NCKAP5: variants seen among roughly 807,000 people sequenced by gnomAD.
NCKAP5 encodes the protein nck-associated protein 5.
NCKAP5 carries 92 observed loss-of-function variants against 167.0 expected under a neutral mutation model. The observed-to-expected ratio is 0.55, with a 90% CI of 0.47 to 0.66. The LOEUF (loss-of-function observed/expected upper bound fraction) is 0.66, where lower values mean the gene tolerates loss of function less well. NCKAP5 is among the 30% of genes least tolerant of loss of function. The probability of loss-of-function intolerance (pLI) is 0.00; values close to 1 mark genes in which losing one functional copy is unlikely to be tolerated. For synonymous variants in NCKAP5, 891 were observed against 877.4 expected, an observed-to-expected ratio of 1.02 and a Z score of -0.27; for missense variants, 2,378 against 2,315.0, an observed-to-expected ratio of 1.03 and a Z score of -0.56.
chr2:133,560,538 C>A (rs561831253), intron 1 of NCKAP5, among the ~76,000 whole-genome samples: 6 of 152,214 alleles, frequency 3.9e-5, no homozygotes, highest in African/African-American at 1.4e-4. Flanking sequence ...AAGTTGTACC[C>A]AGGAGGATAG....
intron 9 of NCKAP5, among the ~76,000 whole-genome samples, chr2:132,875,547 G>A (rs575351615): frequency 3.3e-5 from 5 of 152,326 alleles, no homozygotes; most frequent in African/African-American, 1.2e-4. Flanking sequence ...ATCCAGTAAA[G>A]GTTTGCAGGA....
At chr2:133,607,021 G>A in the NCKAP5 span, among the ~76,000 whole-genome samples, 11 of 152,150 alleles carry the variant, frequency 7.2e-5, no homozygotes, top group African/African-American at 2.7e-4. Flanking sequence ...TGAGAATGAA[G>A]GACCTGAGAC....
intron 3 of NCKAP5, among the ~76,000 whole-genome samples, chr2:133,414,016 T>C (rs1688946530): frequency 1.3e-5 from 2 of 152,174 alleles, no homozygotes; most frequent in Non-Finnish European, 2.9e-5. Flanking sequence ...CTGGTGCCCT[T>C]GGGGCCTTGC....
At chr2:133,360,018 A>G (rs1684992525) in intron 3 of NCKAP5, among the ~76,000 whole-genome samples, 1 of 152,186 alleles carries the variant, frequency 6.6e-6, no homozygotes, top group Admixed American at 6.5e-5. Context: ...ATCACACCAT[A>G]TAACAAAGTC....
chr2:133,343,306 TA>T (rs545833820), intron 3 of NCKAP5, among the ~76,000 whole-genome samples: 85 of 151,468 alleles, frequency 5.6e-4, no homozygotes, highest in Non-Finnish European at 1.1e-3. Flanking sequence ...TTGAAGAATA[TA>T]AAAAAAATTC....
chr2:133,645,788 C>T, the NCKAP5 span, among the ~76,000 whole-genome samples: 9 of 151,906 alleles, frequency 5.9e-5, no homozygotes, highest in East Asian at 1.2e-3. Flanking sequence ...ATAATAATCA[C>T]GGATATTATG....
In NCKAP5 at chr2:132,672,483, T is replaced by C. The variant is rs190790943; in HGVS notation, c.*806A>G. 1 of 152,218 alleles carries C rather than the reference T, an allele frequency of 6.6e-6. No individual in the cohort carries two copies. Among genetic ancestry groups the C allele is most frequent in the Non-Finnish European group, 1.5e-5 (1 of 68,046 alleles). 9.4% of individuals were successfully genotyped at this position (152,218 alleles called of 1,614,324 possible). A position where few individuals can be genotyped will look rare whatever the true frequency, so the allele number is the denominator to read the frequency against. On this transcript the variant is annotated 3_prime_UTR_variant, in exon 20 of 20. Coordinates refer to ENST00000409261, the MANE Select transcript of NCKAP5 (RefSeq NM_207363.3). Reference sequence around the variant, plus strand: ...CTGAAATTACACTAAAATGAACATTTCCATCAAATTGAGATTTGTGAGATG... The same window carrying C: ...CTGAAATTACACTAAAATGAACATTCCCATCAAATTGAGATTTGTGAGATG...
chr2:132,673,348 A>G, intron 19 of NCKAP5, 43 bp from the exon 20 acceptor site: 1 of 1,365,668 alleles, frequency 7.3e-7, no homozygotes, highest in Non-Finnish European at 9.9e-7. Flanking sequence ...ATTTCTTTGG[A>G]AAATCAAGTT....
At chr2:133,454,547 C>A (rs1377091900) in intron 3 of NCKAP5, among the ~76,000 whole-genome samples, 2 of 152,058 alleles carry the variant, frequency 1.3e-5, no homozygotes, top group Admixed American at 6.6e-5. Context: ...AACTCAAGGT[C>A]TTCTCTGCCC....
At chr2:133,546,895 C>A (rs559276903) in intron 2 of NCKAP5, among the ~76,000 whole-genome samples, 43 of 152,198 alleles carry the variant, frequency 2.8e-4, no homozygotes, top group Non-Finnish European at 5.3e-4. Context: ...CGAATAGGAA[C>A]AGCTACGGTC....
At chr2:132,875,508 C>T (rs549796966) in intron 9 of NCKAP5, among the ~76,000 whole-genome samples, 78 of 152,248 alleles carry the variant, frequency 5.1e-4, no homozygotes, top group African/African-American at 1.8e-3. Flanking sequence ...CTGGGAGTGC[C>T]GTGAACTCAG....
intron 5 of NCKAP5, among the ~76,000 whole-genome samples, chr2:133,152,576 T>C (rs73000838): frequency 0.03 from 4,618 of 152,244 alleles, 216 homozygotes; most frequent in African/African-American, 0.1. Flanking sequence ...ACAGGCGTGA[T>C]ACATCCTGCA....
At chr2:132,677,113 A>G (rs1684586487) in intron 19 of NCKAP5, among the ~76,000 whole-genome samples, 1 of 152,248 alleles carries the variant, frequency 6.6e-6, no homozygotes, top group South Asian at 2.1e-4. Context: ...AACATCGCCA[A>G]TTCCTTCCTG....
chr2:133,473,203 G>A (rs1472482709), intron 3 of NCKAP5, among the ~76,000 whole-genome samples: 2 of 152,102 alleles, frequency 1.3e-5, no homozygotes, highest in Admixed American at 6.6e-5. Context: ...CTAGTGGCCT[G>A]TGCCTGTAGT....
intron 4 of NCKAP5, among the ~76,000 whole-genome samples, chr2:133,233,826 A>T (rs2150260570): frequency 6.6e-6 from 1 of 152,350 alleles, no homozygotes; most frequent in Non-Finnish European, 1.5e-5. Context: ...CCAACTGAGC[A>T]GCCCACACTC....
chr2:133,090,871 A>C (rs2081155968), intron 6 of NCKAP5, among the ~76,000 whole-genome samples: 1 of 152,038 alleles, frequency 6.6e-6, no homozygotes, highest in African/African-American at 2.4e-5. Flanking sequence ...TGTCCTTCCC[A>C]GGTAATACCT....
Position 133,467,761 on chromosome 2 carries a change from G to T in NCKAP5, c.69+49697C>A, listed in dbSNP as rs1255540594. On this transcript the variant is annotated intron_variant, in intron 3 of 19. Coordinates refer to ENST00000409261, the MANE Select transcript of NCKAP5 (RefSeq NM_207363.3). ...TGGGAGAGTGTATGTGTCCAGGAAT[G>T]TATCCATTTCTTCTAGATTTTCTAG... 9.0e-5 allele frequency among the ~76,000 whole-genome samples: 13 copies of T among 144,444 alleles called. No homozygotes were observed. The South Asian group carries it at 1.8e-3, about 20-fold the overall frequency. The allele number at this position is 144,444 out of a possible 152,430, so 94.8% of individuals were successfully genotyped here.
At chr2:133,490,199 G>T (rs1389604348) in intron 3 of NCKAP5, among the ~76,000 whole-genome samples, 4 of 152,160 alleles carry the variant, frequency 2.6e-5, no homozygotes, top group Non-Finnish European at 5.9e-5. Context: ...CCCTGGAATT[G>T]GGTACAGCCC....
chr2:133,226,477 C>A (rs1448969967), intron 4 of NCKAP5, among the ~76,000 whole-genome samples: 1 of 151,958 alleles, frequency 6.6e-6, no homozygotes, highest in Non-Finnish European at 1.5e-5. Flanking sequence ...TCCTAACCCC[C>A]AGTACTACAG....
Sources: gnomAD v4.1 joint callset for allele counts (sites outside exome capture counted in the v4.1 genomes callset) on GRCh38, gnomAD v4.1.1 for gene constraint, MANE v1.5 for transcripts, NCBI Gene and HGNC (gene_info 2026-07-23, HGNC 2026-07-21) for gene names.